Variants in CCDC102A observed in about 807,000 individuals in gnomAD.
CCDC102A encodes the protein coiled-coil domain-containing protein 102A.
In CCDC102A, 40 loss-of-function variants were observed where a neutral mutation model predicts 55.5. The observed-to-expected ratio is 0.72, with a 90% CI of 0.56 to 0.94. CCDC102A has a LOEUF of 0.94. CCDC102A is among the 40% of genes least tolerant of loss of function. The pLI, the probability that CCDC102A is intolerant of heterozygous loss-of-function variation, is 0.00. For missense variants in CCDC102A, 779 were observed against 768.6 expected, an observed-to-expected ratio of 1.01 and a Z score of -0.16; for synonymous variants, 323 against 339.0, an observed-to-expected ratio of 0.95 and a Z score of 0.52.
At chr16:57,535,581 C>G (rs778084509) in intron 1 of CCDC102A, among the ~76,000 whole-genome samples, 8 of 152,128 alleles carry the variant, frequency 5.3e-5, no homozygotes, top group Non-Finnish European at 8.8e-5. Flanking sequence ...CAAGTGGATA[C>G]GCACAGCTGG....
intron 6 of CCDC102A, among the ~76,000 whole-genome samples, chr16:57,517,692 C>T (rs1416010027): frequency 1.3e-5 from 2 of 152,168 alleles, no homozygotes; most frequent in Admixed American, 6.5e-5. Flanking sequence ...TTTCCAGGAC[C>T]GTGGGCCTAA....
At chr16:57,536,872 TA>T (rs1166530919), upstream of CCDC102A, among the ~76,000 whole-genome samples, 1 of 152,080 alleles carries the variant, frequency 6.6e-6, no homozygotes, top group East Asian at 1.9e-4. Context: ...CAGCGCCAAC[TA>T]CGTACTAGGC....
chr16:57,518,051 T>C lies in CCDC102A; in HGVS notation c.1248+17A>G. 1 of 1,583,876 alleles carries C rather than the reference T, an allele frequency of 6.3e-7. No individual in the cohort carries two copies. Among genetic ancestry groups the C allele is most frequent in the Non-Finnish European group, 8.6e-7 (1 of 1,166,840 alleles). ...AGGTGGCAGCCCCAGCACTGGCCAC[T>C]CCACTCCTTGCCCCACCTTGTTCTT... On this transcript the variant is annotated intron_variant, in intron 6 of 8. Coordinates refer to ENST00000258214, the MANE Select transcript of CCDC102A (RefSeq NM_033212.4).
chr16:57,527,631 G>A (rs2032163081), intron 2 of CCDC102A, among the ~76,000 whole-genome samples: 1 of 152,142 alleles, frequency 6.6e-6, no homozygotes, highest in Non-Finnish European at 1.5e-5. Context: ...TGTTGGCCAG[G>A]CTGGTCTTGA....
intron 1 of CCDC102A, among the ~76,000 whole-genome samples, chr16:57,535,700 T>C (rs1196186134): frequency 2.0e-5 from 3 of 148,572 alleles, no homozygotes; most frequent in Admixed American, 1.3e-4. Flanking sequence ...ATCCCGCTAG[T>C]CCCAGCTCCA....
At position 57,515,335 on chromosome 16, in the gene CCDC102A, GC is replaced by G; in HGVS notation, c.1523+5del. 1 of 1,558,322 alleles carries G rather than the reference GC, an allele frequency of 6.4e-7. No individual in the cohort carries two copies. The highest frequency in any genetic ancestry group is 8.8e-7 in the Non-Finnish European group (1 of 1,140,636). On this transcript the variant is annotated splice_donor_5th_base_variant and intron_variant, in intron 8 of 8. Coordinates refer to ENST00000258214, the MANE Select transcript of CCDC102A (RefSeq NM_033212.4). ...GCCCTGTTTCTGTTCCCTGCCCGGG[GC>G]CCACCTGGACTGCAGGTGCTCCAGT... is the stretch of plus-strand genomic sequence containing the variant.
intron 4 of CCDC102A, 149 bp from the exon 5 acceptor site, chr16:57,518,890 C>A (rs191997711): frequency 2.4e-5 from 15 of 625,832 alleles, no homozygotes; most frequent in Middle Eastern, 8.5e-4. Context: ...AAACAGACCT[C>A]GAATCTGACC....
rs1350254978 is a variant in CCDC102A, at chr16:57,528,795, CGCTGGCGCA to C, written c.374_382del (p.Leu125_Gln127del). ...CAGCTCCTTGGTGAGCGCGTCCAGG[CGCTGGCGCA>C]GCTGGCGCACCTCCTCGCGCGCGCG... On this transcript the variant is annotated inframe_deletion, in exon 2 of 9. Transcript: ENST00000258214. 7.4e-6 allele frequency: 9 copies of C among 1,216,762 alleles called. No homozygotes were observed. The highest frequency in any genetic ancestry group is 8.1e-5 in the East Asian group (2 of 24,800). The allele number at this position is 1,216,762 out of a possible 1,614,324, so 75.4% of individuals were successfully genotyped here.
At chr16:57,523,642 A>G (rs1457595487) in intron 3 of CCDC102A, among the ~76,000 whole-genome samples, 4 of 149,772 alleles carry the variant, frequency 2.7e-5, no homozygotes, top group African/African-American at 1.0e-4. Flanking sequence ...CCCCGTTCCC[A>G]GCTAATTTTT....
intron 8 of CCDC102A, among the ~76,000 whole-genome samples, chr16:57,514,357 G>A (rs546098353): frequency 1.3e-5 from 2 of 152,214 alleles, no homozygotes; most frequent in South Asian, 4.1e-4. Context: ...ACACCACCAT[G>A]CCTGGCTAAG....
At chr16:57,523,098 CAA>C (rs1162217238) in intron 3 of CCDC102A, among the ~76,000 whole-genome samples, 2 of 151,644 alleles carry the variant, frequency 1.3e-5, no homozygotes, top group Non-Finnish European at 1.5e-5. Context: ...ACCAGGGAGA[CAA>C]GAGATTGTAG....
chr16:57,525,612 C>G (rs530844189), intron 3 of CCDC102A, among the ~76,000 whole-genome samples: 39 of 152,276 alleles, frequency 2.6e-4, no homozygotes, highest in African/African-American at 8.9e-4. Flanking sequence ...GCCCTCTCCC[C>G]CAACTAGAAA....
intron 3 of CCDC102A, 95 bp downstream of exon 3, chr16:57,525,806 C>T: frequency 1.8e-6 from 2 of 1,108,654 alleles, no homozygotes; most frequent in South Asian, 1.4e-5. Flanking sequence ...CTAAACACTA[C>T]CTGTCATCTT....
chr16:57,533,628 C>A (rs1236964739), intron 1 of CCDC102A, among the ~76,000 whole-genome samples: 2 of 151,526 alleles, frequency 1.3e-5, no homozygotes, highest in African/African-American at 4.9e-5. Flanking sequence ...TCACACACAG[C>A]CCCAGTAACA....
At chr16:57,531,332 C>T (rs1487313783) in intron 1 of CCDC102A, among the ~76,000 whole-genome samples, 3 of 151,808 alleles carry the variant, frequency 2.0e-5, no homozygotes, top group African/African-American at 7.3e-5. Flanking sequence ...TGAAGGCACC[C>T]TGAAATCTGC....
rs8052123 is a variant in CCDC102A, at chr16:57,529,759, T to C, written c.-147-435A>G. Among the ~76,000 whole-genome samples, 25,506 of 152,112 alleles carry C rather than the reference T, an allele frequency of 0.17. 2,577 individuals are homozygous for C. Among genetic ancestry groups the C allele is most frequent in the African/African-American group, 0.29 (11,891 of 41,464 alleles). On this transcript the variant is annotated intron_variant, in intron 1 of 8. Coordinates refer to ENST00000258214, the MANE Select transcript of CCDC102A (RefSeq NM_033212.4). This position sits in a 1 kb window ranked among gnomAD's most constrained non-coding sequence, Gnocchi z 4.1. ...CCTCCTGGAAGCCCTCCTGGAGCACTTCAGGCCAGGTCCATCAGCCCCTTA... is the reference window on the plus strand; with the variant it reads ...CCTCCTGGAAGCCCTCCTGGAGCACCTCAGGCCAGGTCCATCAGCCCCTTA...
chr16:57,518,567 G>T, intron 5 of CCDC102A, 58 bp downstream of exon 5: 1 of 1,349,430 alleles, frequency 7.4e-7, no homozygotes, highest in Non-Finnish European at 1.1e-6. Flanking sequence ...CCTGCTGATG[G>T]AGCAGGGCCC....
At chr16:57,532,266 C>T (rs145112782) in intron 1 of CCDC102A, among the ~76,000 whole-genome samples, 5 of 152,302 alleles carry the variant, frequency 3.3e-5, no homozygotes, top group Non-Finnish European at 5.9e-5. Flanking sequence ...GCGATGCTTT[C>T]TTACTACCCA....
chr16:57,533,908 C>T (rs772567475), intron 1 of CCDC102A, among the ~76,000 whole-genome samples: 2 of 152,150 alleles, frequency 1.3e-5, no homozygotes, highest in African/African-American at 2.4e-5. Flanking sequence ...GTGCGTGGGG[C>T]GTGGCCTCCT....
Sources: gnomAD v4.1 joint callset for allele counts (sites outside exome capture counted in the v4.1 genomes callset) on GRCh38, gnomAD v4.1.1 for gene constraint, Gnocchi (gnomAD v3.1) non-coding constraint, MANE v1.5 for transcripts, NCBI Gene and HGNC (gene_info 2026-07-23, HGNC 2026-07-21) for gene names.